Variants in CDH12 observed in about 807,000 individuals in gnomAD.
CDH12 encodes cadherin-12.
CDH12 carries 41 observed loss-of-function variants against 74.1 expected under a neutral mutation model. The ratio of observed to expected loss-of-function variants is 0.55; its 90% CI spans 0.43 to 0.72. CDH12 has a LOEUF of 0.72. Among genes scored for constraint, CDH12 ranks in the 30% least tolerant of loss-of-function variants. The pLI, the probability that CDH12 is intolerant of heterozygous loss-of-function variation, is 0.00. For missense variants in CDH12, 945 were observed against 977.2 expected (o/e 0.97, Z 0.44); for synonymous variants, 399 against 355.0 (o/e 1.12, Z -1.39).
intron 5 of CDH12, among the ~76,000 whole-genome samples, chr5:22,026,096 G>A (rs1225776378): frequency 6.6e-6 from 1 of 152,078 alleles, no homozygotes; most frequent in Non-Finnish European, 1.5e-5. Flanking sequence ...AATTACAAAC[G>A]TTCTCAATAG....
At chr5:22,021,987 C>T (rs1738012433) in intron 5 of CDH12, among the ~76,000 whole-genome samples, 1 of 152,154 alleles carries the variant, frequency 6.6e-6, no homozygotes, top group Non-Finnish European at 1.5e-5. Flanking sequence ...AGTCACATGA[C>T]ACTATGCCTA....
At chr5:22,487,636 A>G (rs1746665428) in intron 2 of CDH12, among the ~76,000 whole-genome samples, 2 of 152,216 alleles carry the variant, frequency 1.3e-5, no homozygotes, top group African/African-American at 2.4e-5. Context: ...AATGTATGTC[A>G]ATATATAAAT....
chr5:22,459,917 G>A lies in CDH12; in HGVS notation c.-428+45353C>T, dbSNP rs183855188. On this transcript the variant is annotated intron_variant, in intron 2 of 14. Coordinates refer to ENST00000382254, the MANE Select transcript of CDH12 (RefSeq NM_004061.5). ...GGAGGCACGGAGGTTGCAGTGAGCC[G>A]AGATCACACCACTGTACTCCAACCG... Among the ~76,000 whole-genome samples the A allele has an allele frequency of 2.2e-3, 329 of 151,504 alleles. 1 individual carries two copies. Among genetic ancestry groups the A allele is most frequent in the African/African-American group, 6.6e-3 (274 of 41,242 alleles).
intron 8 of CDH12, among the ~76,000 whole-genome samples, chr5:21,817,506 A>G (rs1368496410): frequency 6.6e-6 from 1 of 151,940 alleles, no homozygotes; most frequent in Non-Finnish European, 1.5e-5. Flanking sequence ...ATAGATAAAA[A>G]GTTATAGATA....
At chr5:22,505,174 T>C (rs1157812885) in intron 2 of CDH12, 96 bp downstream of exon 2, 6 of 217,876 alleles carry the variant, frequency 2.8e-5, no homozygotes, top group Non-Finnish European at 4.7e-5. Context: ...TTCTAATAAA[T>C]TTTTTTAAGT....
chr5:22,000,151 G>A (rs1326917879), intron 5 of CDH12, among the ~76,000 whole-genome samples: 1 of 152,048 alleles, frequency 6.6e-6, no homozygotes, highest in Non-Finnish European at 1.5e-5. Context: ...TTGTACAGAT[G>A]GAATCTTGCT....
At chr5:22,680,189 G>A (rs1158800577) in intron 1 of CDH12, among the ~76,000 whole-genome samples, 6 of 152,002 alleles carry the variant, frequency 3.9e-5, no homozygotes, top group Non-Finnish European at 8.8e-5. Context: ...GAATGTGCCT[G>A]CCTCATTAAC....
chr5:21,876,096 A>G (rs1392831276), intron 6 of CDH12, among the ~76,000 whole-genome samples: 4 of 152,112 alleles, frequency 2.6e-5, no homozygotes, highest in Admixed American at 1.3e-4. Flanking sequence ...GGATTTCACC[A>G]TGTTGGCCAG....
chr5:22,306,926 T>G (rs994799311), intron 3 of CDH12, among the ~76,000 whole-genome samples: 2 of 152,206 alleles, frequency 1.3e-5, no homozygotes, highest in Non-Finnish European at 2.9e-5. Context: ...AATGTAAAGT[T>G]TCTGTGAGTG....
intron 6 of CDH12, among the ~76,000 whole-genome samples, chr5:21,923,661 T>A (rs1286361233): frequency 2.6e-5 from 4 of 152,192 alleles, no homozygotes; most frequent in Non-Finnish European, 4.4e-5. Flanking sequence ...TTCTAGCATA[T>A]CCATGCCTAT....
intron 2 of CDH12, among the ~76,000 whole-genome samples, chr5:22,432,317 G>A (rs1299402726): frequency 6.6e-6 from 1 of 151,992 alleles, no homozygotes; most frequent in Non-Finnish European, 1.5e-5. Context: ...AGCTAAGTTT[G>A]TATGAGTAAA....
intron 1 of CDH12, among the ~76,000 whole-genome samples, chr5:22,536,093 G>A (rs542831150): frequency 2.6e-5 from 4 of 152,270 alleles, no homozygotes; most frequent in Admixed American, 2.0e-4. Context: ...AGTATCTTTG[G>A]GTTTTGGTAT....
At chr5:22,059,924 A>G (rs905476029) in intron 5 of CDH12, among the ~76,000 whole-genome samples, 1 of 152,160 alleles carries the variant, frequency 6.6e-6, no homozygotes, top group Non-Finnish European at 1.5e-5. Flanking sequence ...TGGCTGAGAG[A>G]CAACTTATCT....
At chr5:22,482,553 C>T (rs2126626700) in intron 2 of CDH12, among the ~76,000 whole-genome samples, 1 of 152,192 alleles carries the variant, frequency 6.6e-6, no homozygotes, top group South Asian at 2.1e-4. Context: ...TCTTATAAAA[C>T]CATCTGTAAT....
intron 2 of CDH12, among the ~76,000 whole-genome samples, chr5:22,488,326 G>T (rs1236726663): frequency 6.6e-6 from 1 of 152,062 alleles, no homozygotes; most frequent in East Asian, 1.9e-4. Context: ...ATTTTTTTCC[G>T]TGGGTGTCAA....
intron 3 of CDH12, among the ~76,000 whole-genome samples, chr5:22,225,652 C>T (rs1049657715): frequency 6.6e-6 from 1 of 151,926 alleles, no homozygotes; most frequent in Admixed American, 6.6e-5. Context: ...GTCTATTTGG[C>T]ATGCTTTGGT....
At chr5:22,674,435 A>G (rs755334071) in intron 1 of CDH12, among the ~76,000 whole-genome samples, 4 of 152,204 alleles carry the variant, frequency 2.6e-5, no homozygotes, top group African/African-American at 9.6e-5. Context: ...CGGTAAGTCC[A>G]TTAAACCTCT....
chr5:21,837,767 A>G (rs894906071), intron 8 of CDH12, among the ~76,000 whole-genome samples: 7 of 152,210 alleles, frequency 4.6e-5, no homozygotes, highest in African/African-American at 1.7e-4. Context: ...AGGTCTTAAT[A>G]CAAAAACATG....
chr5:22,422,866 AT>A (rs1177701425), intron 2 of CDH12, among the ~76,000 whole-genome samples: 1 of 152,172 alleles, frequency 6.6e-6, no homozygotes, highest in Non-Finnish European at 1.5e-5. Flanking sequence ...ATCTGCTGTA[AT>A]TCGGATTGGA....
Sources: gnomAD v4.1 joint callset for allele counts (sites outside exome capture counted in the v4.1 genomes callset) on GRCh38, gnomAD v4.1.1 for gene constraint, MANE v1.5 for transcripts, NCBI Gene and HGNC (gene_info 2026-07-23, HGNC 2026-07-21) for gene names.